The following DCAF10 variants were observed in gnomAD, a reference collection of about 807,000 sequenced individuals.
The protein encoded by DCAF10 is DDB1- and CUL4-associated factor 10.
In DCAF10, 19 loss-of-function variants were observed where a neutral mutation model predicts 51.9. That is an observed-to-expected ratio of 0.37 (90% CI 0.26 to 0.54). DCAF10 has a LOEUF of 0.54. Ranked by LOEUF, DCAF10 falls within the 20% of genes least tolerant of loss-of-function variation. DCAF10 has a pLI of 0.87. For synonymous variants in DCAF10, 291 were observed against 297.1 expected (o/e 0.98, Z 0.21); for missense variants, 510 against 730.6 (o/e 0.70, Z 3.48).
rs946450197 is a variant in DCAF10, at chr9:37,862,907, T to TC, written c.*1399_*1400insC. ...AAAGTGCAGAAACCTGAGCCTCACCTTATGAGATTCTGATTCAGCCAGGGG... is the reference window on the plus strand; with the variant it reads ...AAAGTGCAGAAACCTGAGCCTCACCTCTATGAGATTCTGATTCAGCCAGGGG... On this transcript the variant is annotated 3_prime_UTR_variant, in exon 7 of 7. Transcript: ENST00000377724. 1 of 152,210 alleles carries TC rather than the reference T, an allele frequency of 6.6e-6. No individual in the cohort carries two copies. Among genetic ancestry groups the TC allele is most frequent in the Non-Finnish European group, 1.5e-5 (1 of 68,044 alleles). 9.4% of individuals were successfully genotyped at this position (152,210 alleles called of 1,614,324 possible).
At chr9:37,827,083 C>T in intron 2 of DCAF10, among the ~76,000 whole-genome samples, 1 of 152,088 alleles carries the variant, frequency 6.6e-6, no homozygotes, top group Non-Finnish European at 1.5e-5. Flanking sequence ...GCCTTGGTCT[C>T]CCAAAGTGCT....
intron 3 of DCAF10, among the ~76,000 whole-genome samples, chr9:37,844,078 C>T (rs1830408674): frequency 6.6e-6 from 1 of 152,156 alleles, no homozygotes; most frequent in South Asian, 2.1e-4. Flanking sequence ...AGATTAATTT[C>T]ACTAAAATAT....
chr9:37,826,956 G>A (rs574377975), intron 2 of DCAF10, among the ~76,000 whole-genome samples: 5 of 151,502 alleles, frequency 3.3e-5, no homozygotes, highest in African/African-American at 1.2e-4. Flanking sequence ...CTCCCAAGTA[G>A]CTGGGATTAC....
In DCAF10 at chr9:37,801,119, C is replaced by A; in HGVS notation, c.253C>A (p.Pro85Thr). 6.5e-7 allele frequency: 1 copy of A among 1,536,194 alleles called. No individual in the cohort carries two copies. Among genetic ancestry groups the A allele is most frequent in the East Asian group, 2.6e-5 (1 of 39,146 alleles). Reference sequence around the variant, plus strand: ...TCCGGAGTCCTCAACTGCCTCCGCCCCGGGAGAGCCGTCACCTCCCTCCCC... The same window carrying A: ...TCCGGAGTCCTCAACTGCCTCCGCCACGGGAGAGCCGTCACCTCCCTCCCC... ...GAPESSTASAPGEPSPPSPPC... is the reference protein window; with the variant it reads ...GAPESSTASATGEPSPPSPPC... Residue 85 changes from proline (P) to threonine (T), a missense_variant, in exon 1 of 7, where the codon CCG becomes ACG. Physicochemically the swap from Pro to Thr is conservative, Grantham distance 38. Coordinates refer to ENST00000377724, the MANE Select transcript of DCAF10 (RefSeq NM_024345.5). The surrounding 1 kb of genome is among the most constrained non-coding windows in gnomAD (Gnocchi z 5.5).
In DCAF10 at chr9:37,866,497, C is replaced by G. The variant is rs1831139931; in HGVS notation, c.*4989C>G. On this transcript the variant is annotated 3_prime_UTR_variant, in exon 7 of 7. Transcript: ENST00000377724. ...TTTAAAATATCTGCTAAGTAATTTG[C>G]TATGTCTTCTCCCACACTATCAATA... The G allele has an allele frequency of 6.6e-6, 1 of 152,220 alleles. No homozygotes were observed. The allele number at this position is 152,220 out of a possible 1,614,324, so 9.4% of individuals were successfully genotyped here.
At chr9:37,816,617 A>G (rs1589082642) in intron 1 of DCAF10, among the ~76,000 whole-genome samples, 2 of 151,636 alleles carry the variant, frequency 1.3e-5, no homozygotes, top group South Asian at 4.2e-4. Flanking sequence ...ACCTTTTGGT[A>G]TTAATAGATT....
intron 1 of DCAF10, among the ~76,000 whole-genome samples, chr9:37,804,736 A>AGC (rs2119011901): frequency 6.6e-6 from 1 of 152,128 alleles, no homozygotes; most frequent in South Asian, 2.1e-4. Context: ...AGACCGTACC[A>AGC]CTGCACTCCA....
In DCAF10 at chr9:37,814,080, C is replaced by CTATATA. The variant is rs58660288; in HGVS notation, c.540-5166_540-5161dup. Among the ~76,000 whole-genome samples the CTATATA allele has an allele frequency of 9.9e-3, 467 of 46,972 alleles. 13 individuals carry two copies. The highest frequency in any genetic ancestry group is 0.015 in the South Asian group (11 of 758). 30.8% of individuals were successfully genotyped at this position (46,972 alleles called of 152,430 possible). On this transcript the variant is annotated intron_variant, in intron 1 of 6. Transcript: ENST00000377724. The stretch of plus-strand genomic sequence containing the variant: ...TGAACCACTTTGAAACTATTTGTCA[C>CTATATA]TATATATATATATATATATATATAT...
At chr9:37,836,192 G>T in intron 2 of DCAF10, 1 of 1,471,372 alleles carries the variant, frequency 6.8e-7, no homozygotes. Flanking sequence ...ACGGAGTTCA[G>T]TATGAAATGA....
chr9:37,835,462 C>T (rs954327427), intron 2 of DCAF10, among the ~76,000 whole-genome samples: 1 of 151,910 alleles, frequency 6.6e-6, no homozygotes, highest in Non-Finnish European at 1.5e-5. Flanking sequence ...GCCTGTAATC[C>T]CAGCTACTCA....
intron 2 of DCAF10, among the ~76,000 whole-genome samples, chr9:37,822,404 G>GATAGAT (rs1454410153): frequency 1.6e-5 from 2 of 124,574 alleles, no homozygotes; most frequent in African/African-American, 5.8e-5. Flanking sequence ...AAGAAACTGT[G>GATAGAT]ATATATATAT....
In DCAF10 at chr9:37,862,261, T is replaced by C. The variant is rs1831039257; in HGVS notation, c.*753T>C. The C allele has an allele frequency of 6.5e-6, 1 of 152,674 alleles. No individual in the cohort carries two copies. The allele number at this position is 152,674 out of a possible 1,614,324, so 9.5% of individuals were successfully genotyped here. A position where few individuals can be genotyped will look rare whatever the true frequency, so the allele number is the denominator to read the frequency against. On this transcript the variant is annotated 3_prime_UTR_variant, in exon 7 of 7. Transcript: ENST00000377724. Reference sequence around the variant, plus strand: ...GCATGTATCCTTACTTGATATTTTGTTCCTATCAACAGCATTAGAAAGGAA... The same window carrying C: ...GCATGTATCCTTACTTGATATTTTGCTCCTATCAACAGCATTAGAAAGGAA...
chr9:37,818,116 C>A (rs1829598239), intron 1 of DCAF10, among the ~76,000 whole-genome samples: 1 of 152,052 alleles, frequency 6.6e-6, no homozygotes, highest in Non-Finnish European at 1.5e-5. Context: ...CCTCAGCCTC[C>A]CAAGTAGCTG....
rs1554684228 is a variant in DCAF10 at position 37,808,642 on chromosome 9, A to ATAT, written c.539+7238_539+7240dup. Among the ~76,000 whole-genome samples, 9 of 99,830 alleles carry ATAT rather than the reference A, an allele frequency of 9.0e-5. 1 individual carries two copies. The highest frequency in any genetic ancestry group is 9.0e-5 in the Non-Finnish European group (5 of 55,686). The allele number at this position is 99,830 out of a possible 152,430, so 65.5% of individuals were successfully genotyped here. The stretch of plus-strand genomic sequence containing the variant: ...TATATTTATATAATATAATATAAAA[A>ATAT]TATATAATATAAAATATAAATATAT... On this transcript the variant is annotated intron_variant, in intron 1 of 6. Transcript: ENST00000377724.
chr9:37,805,577 T>C (rs1269876941), intron 1 of DCAF10, among the ~76,000 whole-genome samples: 1 of 152,062 alleles, frequency 6.6e-6, no homozygotes, highest in East Asian at 1.9e-4. Context: ...TTAATAGGTA[T>C]TTAAAATTTT....
chr9:37,814,473 G>C (rs1829470315), intron 1 of DCAF10, among the ~76,000 whole-genome samples: 1 of 151,188 alleles, frequency 6.6e-6, no homozygotes, highest in Non-Finnish European at 1.5e-5. Context: ...AAGAGGCAGG[G>C]TCTTGCTGTG....
intron 1 of DCAF10, among the ~76,000 whole-genome samples, chr9:37,804,211 GA>G (rs1432985946): frequency 6.6e-6 from 1 of 151,588 alleles, no homozygotes; most frequent in African/African-American, 2.4e-5. Flanking sequence ...AGCATAGAGA[GA>G]AAAAGCATAC....
At chr9:37,810,071 G>A (rs1829288213) in intron 1 of DCAF10, among the ~76,000 whole-genome samples, 1 of 151,602 alleles carries the variant, frequency 6.6e-6, no homozygotes, top group Admixed American at 6.6e-5. Flanking sequence ...AGAATCACTT[G>A]AACCTGGGAG....
Position 37,801,160 on chromosome 9 carries a change from C to T in DCAF10, c.294C>T (p.Pro98=). ...CTCCCTCCCCTCCGTGCCGGCGGCC[C>T]GGGCCAGACTGCAGGGCCAAGAGCC... ...PSPPSPPCRR[P]GPDCRAKSRG... is the part of the protein sequence containing the mutation. The change falls in exon 1 of 7, where the codon CCC becomes CCT. Residue 98 remains proline (P), a synonymous_variant. Coordinates refer to ENST00000377724, the MANE Select transcript of DCAF10 (RefSeq NM_024345.5). This position sits in a 1 kb window ranked among gnomAD's most constrained non-coding sequence, Gnocchi z 5.5. 6.5e-7 allele frequency: 1 copy of T among 1,537,836 alleles called. No homozygotes were observed.
Sources: gnomAD v4.1 joint callset for allele counts (sites outside exome capture counted in the v4.1 genomes callset) on GRCh38, gnomAD v4.1.1 for gene constraint, Gnocchi (gnomAD v3.1) non-coding constraint, MANE v1.5 for transcripts, NCBI Gene and HGNC (gene_info 2026-07-23, HGNC 2026-07-21) for gene names.